NRXN1: variants seen among roughly 807,000 people sequenced by gnomAD.
The protein encoded by NRXN1 is neurexin-1.
In NRXN1, 39 loss-of-function variants were observed where a neutral mutation model predicts 150.9. That is an observed-to-expected ratio of 0.26 (90% CI 0.20 to 0.34). NRXN1 has a LOEUF of 0.34. NRXN1 is among the 10% of genes least tolerant of loss of function. NRXN1 has a pLI of 1.00. For missense variants in NRXN1, 1,815 were observed against 1,949.9 expected (o/e 0.93, Z 1.30); for synonymous variants, 924 against 757.0 (o/e 1.22, Z -3.62).
intron 17 of NRXN1, among the ~76,000 whole-genome samples, chr2:50,278,317 TTA>T (rs1553368961): frequency 2.4e-5 from 3 of 124,074 alleles, no homozygotes; most frequent in Non-Finnish European, 4.8e-5. Flanking sequence ...TATATATATA[TTA>T]TATATATATA....
At chr2:50,592,932 G>C (rs1674527046) in intron 8 of NRXN1, among the ~76,000 whole-genome samples, 1 of 152,172 alleles carries the variant, frequency 6.6e-6, no homozygotes, top group Non-Finnish European at 1.5e-5. Flanking sequence ...GTTTCCCAGA[G>C]CACTTTATTT....
chr2:50,667,173 T>C (rs969730230), intron 5 of NRXN1, among the ~76,000 whole-genome samples: 2 of 115,822 alleles, frequency 1.7e-5, no homozygotes, highest in African/African-American at 7.4e-5. Flanking sequence ...CACAATTTCT[T>C]TCATTTTTAC....
At chr2:50,969,786 C>T (rs929910530) in intron 2 of NRXN1, among the ~76,000 whole-genome samples, 7 of 151,880 alleles carry the variant, frequency 4.6e-5, no homozygotes, top group Admixed American at 2.0e-4. Context: ...AGAAGGTTTG[C>T]TGAAAAAAAT....
At chr2:50,012,070 C>G (rs1224462959) in intron 21 of NRXN1, among the ~76,000 whole-genome samples, 4 of 152,024 alleles carry the variant, frequency 2.6e-5, no homozygotes, top group Non-Finnish European at 5.9e-5. Context: ...ATTTTTCTAT[C>G]TTAAAAGTAT....
rs34745463 is a variant in NRXN1 at position 50,140,669 on chromosome 2, C to CT, written c.3547-49176dup. On this transcript the variant is annotated intron_variant, in intron 18 of 22. Transcript: ENST00000401669. ...CGATATTCTGAGCTTTTTTCTCTCT[C>CT]TTTTTTTTTTTTAATAGTAGAGATG... Among the ~76,000 whole-genome samples the CT allele has an allele frequency of 1.5e-3, 220 of 145,894 alleles. 1 individual carries two copies. Among genetic ancestry groups the CT allele is most frequent in the Middle Eastern group, 7.2e-3 (2 of 276 alleles).
intron 18 of NRXN1, among the ~76,000 whole-genome samples, chr2:50,159,515 G>A (rs2059234725): frequency 6.6e-6 from 1 of 152,120 alleles, no homozygotes. Context: ...TTGATTGGGT[G>A]CAATAAAAAG....
chr2:50,615,446 C>A (rs963584321), intron 8 of NRXN1: 17 of 152,088 alleles, frequency 1.1e-4, no homozygotes, highest in African/African-American at 3.6e-4. Context: ...GTTCACTCTG[C>A]AGGAGGGAAA....
chr2:50,050,460 G>A (rs1354450394), intron 21 of NRXN1, among the ~76,000 whole-genome samples: 3 of 151,872 alleles, frequency 2.0e-5, no homozygotes, highest in Non-Finnish European at 4.4e-5. Context: ...TGAGAAAAAT[G>A]CACTTTGATT....
chr2:50,911,455 A>T (rs1684511679), intron 5 of NRXN1, among the ~76,000 whole-genome samples: 2 of 151,802 alleles, frequency 1.3e-5, no homozygotes, highest in South Asian at 4.1e-4. Context: ...TGAATGTCTA[A>T]TAAGAATACT....
chr2:50,802,815 G>T (rs972765837), intron 5 of NRXN1, among the ~76,000 whole-genome samples: 7 of 152,016 alleles, frequency 4.6e-5, no homozygotes, highest in African/African-American at 1.7e-4. Flanking sequence ...GTGAAAATAC[G>T]CAGAGAAACC....
rs1321225147 is a variant in NRXN1 at position 50,462,592 on chromosome 2, C to A, written c.3364+2850G>T. ...TTACCCTGTACACACACCTGCATAT[C>A]CACATACACACATGCACAAAACAAT... On this transcript the variant is annotated intron_variant, in intron 17 of 22. Coordinates refer to ENST00000401669, the MANE Select transcript of NRXN1 (RefSeq NM_001330078.2). Among the ~76,000 whole-genome samples the A allele has an allele frequency of 3.0e-4, 45 of 151,892 alleles. 1 individual carries two copies. Among genetic ancestry groups the A allele is most frequent in the Non-Finnish European group, 7.4e-5 (5 of 67,840 alleles).
chr2:50,982,411 T>C (rs1033519008), intron 2 of NRXN1, among the ~76,000 whole-genome samples: 3 of 152,146 alleles, frequency 2.0e-5, no homozygotes, highest in Non-Finnish European at 4.4e-5. Context: ...TAATTTGGAC[T>C]TCACAGCAGA....
chr2:50,439,695 T>C (rs2104439863), intron 17 of NRXN1, among the ~76,000 whole-genome samples: 1 of 151,832 alleles, frequency 6.6e-6, no homozygotes, highest in South Asian at 2.1e-4. Context: ...CGGGTACCTG[T>C]AGTCCCAGCT....
At chr2:50,851,506 C>G (rs577998618) in intron 5 of NRXN1, among the ~76,000 whole-genome samples, 12 of 152,164 alleles carry the variant, frequency 7.9e-5, no homozygotes, top group Non-Finnish European at 1.6e-4. Context: ...GTTGCCTCTT[C>G]CCATCCACAT....
In NRXN1 at chr2:50,839,335, TA is replaced by T. The variant is rs773668501; in HGVS notation, c.832+82533del. ...GGATGTGAAATTTAAAAACTATGATTAAAATTTTACAACAAAAACTATGAGG... is the reference window on the plus strand; with the variant it reads ...GGATGTGAAATTTAAAAACTATGATTAAATTTTACAACAAAAACTATGAGG... On this transcript the variant is annotated intron_variant, in intron 5 of 22. Coordinates refer to ENST00000401669, the MANE Select transcript of NRXN1 (RefSeq NM_001330078.2). 8.3e-4 allele frequency among the ~76,000 whole-genome samples: 126 copies of T among 152,124 alleles called. 1 individual carries two copies. Among genetic ancestry groups the T allele is most frequent in the Non-Finnish European group, 1.2e-3 (79 of 68,004 alleles).
intron 15 of NRXN1, among the ~76,000 whole-genome samples, chr2:50,487,692 G>T (rs762545209): frequency 6.6e-6 from 1 of 152,142 alleles, no homozygotes; most frequent in Non-Finnish European, 1.5e-5. Context: ...TTCTGGCGGG[G>T]ACTGTGTTAT....
intron 18 of NRXN1, among the ~76,000 whole-genome samples, chr2:50,127,852 A>T (rs1704841204): frequency 6.6e-6 from 1 of 152,232 alleles, no homozygotes. Flanking sequence ...AGCAAAAGAA[A>T]AAGAGTCAGG....
intron 19 of NRXN1, among the ~76,000 whole-genome samples, chr2:50,057,079 C>T (rs1417963580): frequency 6.6e-6 from 1 of 152,148 alleles, no homozygotes; most frequent in Non-Finnish European, 1.5e-5. Context: ...ACCCATTTTC[C>T]ATATAAGCCA....
chr2:50,126,088 T>A (rs1704544472), intron 18 of NRXN1, among the ~76,000 whole-genome samples: 1 of 152,092 alleles, frequency 6.6e-6, no homozygotes, highest in South Asian at 2.1e-4. Context: ...ACGTATTTCA[T>A]CCATTTTGGC....
Sources: allele counts gnomAD v4.1 joint callset (sites outside exome capture counted in the v4.1 genomes callset), GRCh38; gene constraint gnomAD v4.1.1; transcripts MANE v1.5; gene names NCBI Gene and HGNC (gene_info 2026-07-23, HGNC 2026-07-21).